The following ADAMTSL1 variants were observed in gnomAD, a reference collection of about 807,000 sequenced individuals.
The protein encoded by ADAMTSL1 is ADAMTS like 1, also known as ADAMTS-like protein 1.
In ADAMTSL1, 126 loss-of-function variants were observed where a neutral mutation model predicts 201.8. The observed-to-expected ratio is 0.62, with a 90% CI of 0.54 to 0.72. The LOEUF is 0.72. ADAMTSL1 is among the 30% of genes least tolerant of loss of function. ADAMTSL1 has a pLI of 0.00. For missense variants in ADAMTSL1, 2,679 were observed against 2,277.8 expected, an observed-to-expected ratio of 1.18 and a Z score of -3.59; for synonymous variants, 1,121 against 903.4, an observed-to-expected ratio of 1.24 and a Z score of -4.32.
At chr9:18,413,208 GCGCAATCTTGGCTTGC>G (rs1405113222) in intron 2 of ADAMTSL1, among the ~76,000 whole-genome samples, 1 of 146,898 alleles carries the variant, frequency 6.8e-6, no homozygotes, top group African/African-American at 2.5e-5. Flanking sequence ...AAGTGCAGTG[GCGCAATCTTGGCTTGC>G]TGCAATCTTG....
chr9:18,243,370 A>G (rs1007911675), intron 2 of ADAMTSL1, among the ~76,000 whole-genome samples: 2 of 152,088 alleles, frequency 1.3e-5, no homozygotes, highest in East Asian at 1.9e-4. Context: ...AGCTCACTCC[A>G]TTACAGATGT....
chr9:18,691,968 A>G (rs1831248535), intron 13 of ADAMTSL1, among the ~76,000 whole-genome samples: 1 of 152,176 alleles, frequency 6.6e-6, no homozygotes, highest in African/African-American at 2.4e-5. Context: ...ACTTAATACA[A>G]ATGGAGAAAT....
In ADAMTSL1 at chr9:18,882,453, A is replaced by G. The variant is rs566189892; in HGVS notation, c.4250-5378A>G. 4.6e-5 allele frequency among the ~76,000 whole-genome samples: 7 copies of G among 152,300 alleles called. 1 individual carries two copies. The South Asian group carries it at 1.0e-3, about 23-fold the overall frequency. The stretch of plus-strand genomic sequence containing the variant: ...CAAAAGTATATTTGCCTTCATACAC[A>G]TATAGTTTTCCTGGCTTTTATTGGA... On this transcript the variant is annotated intron_variant, in intron 23 of 28. Transcript: ENST00000380548.
intron 1 of ADAMTSL1, among the ~76,000 whole-genome samples, chr9:18,099,355 A>ATATATATATATTTTT (rs1239180390): frequency 2.2e-5 from 1 of 45,544 alleles, no homozygotes; most frequent in Non-Finnish European, 4.1e-5. Context: ...ATATATATAT[A>ATATATATATATTTTT]TTTTTTTTTT....
At chr9:18,370,527 A>G (rs796555162) in intron 2 of ADAMTSL1, among the ~76,000 whole-genome samples, 1 of 152,186 alleles carries the variant, frequency 6.6e-6, no homozygotes, top group African/African-American at 2.4e-5. Context: ...ATGCACGCCA[A>G]TGGCTCAATA....
At chr9:18,001,572 A>G (rs1233406721) in intron 1 of ADAMTSL1, among the ~76,000 whole-genome samples, 1 of 152,118 alleles carries the variant, frequency 6.6e-6, no homozygotes, top group African/African-American at 2.4e-5. Context: ...GTTTCCAGGA[A>G]GAAAAATCTC....
intron 2 of ADAMTSL1, among the ~76,000 whole-genome samples, chr9:18,244,024 A>G (rs1274391095): frequency 6.6e-6 from 1 of 151,890 alleles, no homozygotes; most frequent in African/African-American, 2.4e-5. Flanking sequence ...TTTTTTTACC[A>G]ACTGCTACTA....
intron 2 of ADAMTSL1, among the ~76,000 whole-genome samples, chr9:18,275,427 A>C (rs1256171114): frequency 6.6e-6 from 1 of 152,150 alleles, no homozygotes; most frequent in African/African-American, 2.4e-5. Context: ...ATGAATAGTC[A>C]TCCAACTATC....
At chr9:18,130,866 T>C (rs1027225811) in intron 1 of ADAMTSL1, among the ~76,000 whole-genome samples, 2 of 152,134 alleles carry the variant, frequency 1.3e-5, no homozygotes, top group Non-Finnish European at 2.9e-5. Flanking sequence ...CACCAGTGGT[T>C]TGGCAGCTTA....
chr9:18,807,964 A>C (rs1823271379), intron 20 of ADAMTSL1, among the ~76,000 whole-genome samples: 1 of 152,208 alleles, frequency 6.6e-6, no homozygotes, highest in South Asian at 2.1e-4. Flanking sequence ...CGTGGCAGTC[A>C]TCACACAGCA....
chr9:18,383,307 T>C (rs1837639166), intron 2 of ADAMTSL1, among the ~76,000 whole-genome samples: 1 of 152,036 alleles, frequency 6.6e-6, no homozygotes, highest in African/African-American at 2.4e-5. Context: ...GTGGAGAAAG[T>C]GGTAAGGAGA....
intron 1 of ADAMTSL1, among the ~76,000 whole-genome samples, chr9:17,975,237 T>C (rs950088284): frequency 2.0e-5 from 3 of 152,064 alleles, no homozygotes; most frequent in African/African-American, 7.2e-5. Flanking sequence ...TACTGAGTTG[T>C]ATGAGTTCTT....
intron 1 of ADAMTSL1, among the ~76,000 whole-genome samples, chr9:18,103,267 A>T (rs1824610449): frequency 1.3e-5 from 2 of 152,154 alleles, no homozygotes; most frequent in African/African-American, 4.8e-5. Context: ...CATGTTCAGG[A>T]CTAGGCCAGC....
intron 1 of ADAMTSL1, among the ~76,000 whole-genome samples, chr9:17,946,005 A>AT (rs1486775497): frequency 2.7e-5 from 4 of 148,746 alleles, no homozygotes; most frequent in African/African-American, 7.4e-5. Context: ...ACCACATGTG[A>AT]TTTTTCTGTA....
intron 2 of ADAMTSL1, among the ~76,000 whole-genome samples, chr9:18,341,433 C>T (rs1339104657): frequency 1.3e-5 from 2 of 152,054 alleles, no homozygotes; most frequent in East Asian, 1.9e-4. Flanking sequence ...TTTTAAGTTC[C>T]AGTTTCCAAA....
chr9:18,559,958 A>G (rs375002164), intron 3 of ADAMTSL1, among the ~76,000 whole-genome samples: 6 of 151,972 alleles, frequency 3.9e-5, no homozygotes, highest in African/African-American at 1.2e-4. Flanking sequence ...CTGCAAACAG[A>G]GACAATTTGA....
Position 18,612,246 on chromosome 9 carries a change from T to G in ADAMTSL1, c.475-9997T>G, listed in dbSNP as rs556991753. ...TGGAAATTAAACTCTCAGATTACAGTGTTATAAAATGATTTGTCCTTAGAG... is the reference window on the plus strand; with the variant it reads ...TGGAAATTAAACTCTCAGATTACAGGGTTATAAAATGATTTGTCCTTAGAG... On this transcript the variant is annotated intron_variant, in intron 4 of 28. Transcript: ENST00000380548. Among the ~76,000 whole-genome samples the G allele has an allele frequency of 2.6e-5, 4 of 152,282 alleles. No individual in the cohort carries two copies. In the East Asian group the frequency reaches 7.7e-4, roughly 29 times the overall value.
chr9:18,518,900 G>A (rs1173842438), intron 2 of ADAMTSL1, among the ~76,000 whole-genome samples: 1 of 152,204 alleles, frequency 6.6e-6, no homozygotes, highest in African/African-American at 2.4e-5. Context: ...TAGAGACAGG[G>A]TTTCACCATG....
chr9:18,868,587 T>G (rs1827686047), intron 23 of ADAMTSL1, among the ~76,000 whole-genome samples: 1 of 152,232 alleles, frequency 6.6e-6, no homozygotes, highest in Non-Finnish European at 1.5e-5. Context: ...CCACTCTTGC[T>G]GGTCAGAACT....
Sources: allele counts gnomAD v4.1 joint callset (sites outside exome capture counted in the v4.1 genomes callset), GRCh38; gene constraint gnomAD v4.1.1; transcripts MANE v1.5; gene names NCBI Gene and HGNC (gene_info 2026-07-23, HGNC 2026-07-21).